Variants in MYO16 observed in about 807,000 individuals in gnomAD.
The protein encoded by MYO16 is myosin XVI.
Under a neutral mutation model 205.3 loss-of-function variants are expected in MYO16, and 94 were observed. That is an observed-to-expected ratio of 0.46 (90% confidence interval 0.39 to 0.54). MYO16 has a LOEUF of 0.54. Ranked by LOEUF, MYO16 falls within the 20% of genes least tolerant of loss-of-function variation. The probability of loss-of-function intolerance (pLI) is 0.00; values close to 1 mark genes in which losing one functional copy is unlikely to be tolerated. For synonymous variants in MYO16, 988 were observed against 954.0 expected (o/e 1.04, Z -0.66); for missense variants, 2,315 against 2,387.5 (o/e 0.97, Z 0.63).
chr13:108,820,724 A>G (rs1414819688), intron 8 of MYO16, among the ~76,000 whole-genome samples: 2 of 152,220 alleles, frequency 1.3e-5, no homozygotes, highest in African/African-American at 4.8e-5. Flanking sequence ...ACTTTAAAAT[A>G]CATTTTTACT....
intron 4 of MYO16, among the ~76,000 whole-genome samples, chr13:108,747,845 G>A (rs939752566): frequency 1.3e-5 from 2 of 152,078 alleles, no homozygotes; most frequent in African/African-American, 4.8e-5. Context: ...GATCTATGAT[G>A]CCAATATTAA....
chr13:109,141,033 G>A lies in MYO16; in HGVS notation c.4821G>A (p.Ala1607=). The A allele has an allele frequency of 7.6e-7, 1 of 1,311,884 alleles. No individual in the cohort carries two copies. 81.3% of individuals were successfully genotyped at this position (1,311,884 alleles called of 1,614,324 possible). ...PPPPPPGPPP[A]PYRPCAHLAF... is the part of the protein sequence containing the mutation. ...CGCCCCCGCCCGGGCCGCCCCCCGC[G>A]CCCTACAGGCCCTGCGCGCACTTGG... Residue 1607 remains alanine (A), a synonymous_variant, in exon 32 of 35, where the codon GCG becomes GCA. Coordinates refer to ENST00000457511, the MANE Select transcript of MYO16 (RefSeq NM_001198950.3). This position sits in a 1 kb window ranked among gnomAD's most constrained non-coding sequence, Gnocchi z 4.1.
intron 25 of MYO16, among the ~76,000 whole-genome samples, chr13:109,052,959 A>G (rs1887292587): frequency 6.6e-6 from 1 of 152,106 alleles, no homozygotes; most frequent in Non-Finnish European, 1.5e-5. Context: ...TATTATACTA[A>G]TTTGTAATGT....
At chr13:108,537,424 C>T in the MYO16 span, among the ~76,000 whole-genome samples, 17 of 152,200 alleles carry the variant, frequency 1.1e-4, no homozygotes, top group African/African-American at 4.1e-4. Context: ...AGGTTGATTC[C>T]ATGACTTTGC....
chr13:108,542,422 C>G, the MYO16 span, among the ~76,000 whole-genome samples: 12 of 152,250 alleles, frequency 7.9e-5, no homozygotes, highest in East Asian at 1.5e-3. Flanking sequence ...ACCCCCGTCA[C>G]AAGTTTACCT....
At chr13:108,609,739 A>G (rs926663302) in intron 1 of MYO16, among the ~76,000 whole-genome samples, 1 of 152,190 alleles carries the variant, frequency 6.6e-6, no homozygotes, top group African/African-American at 2.4e-5. Context: ...ACTGAATCCG[A>G]CACTAATCCT....
chr13:108,794,614 T>C (rs1358376598), intron 6 of MYO16, among the ~76,000 whole-genome samples: 1 of 152,202 alleles, frequency 6.6e-6, no homozygotes, highest in East Asian at 1.9e-4. Flanking sequence ...CAGTAAATTA[T>C]TAAAAGATCA....
intron 4 of MYO16, among the ~76,000 whole-genome samples, chr13:108,783,878 C>T (rs76541990): frequency 0.019 from 2,845 of 152,288 alleles, 79 homozygotes; most frequent in African/African-American, 0.065. Context: ...TCCAATTAAA[C>T]CTCCTTTTGT....
chr13:108,805,747 T>C (rs1306510621), intron 6 of MYO16, among the ~76,000 whole-genome samples: 4 of 151,924 alleles, frequency 2.6e-5, no homozygotes. Flanking sequence ...ATCATTATTG[T>C]TCCAAAGGCC....
intron 1 of MYO16, among the ~76,000 whole-genome samples, chr13:108,611,958 CTTTTTTTTTTTTTCTT>C (rs1455099764): frequency 2.0e-5 from 2 of 101,924 alleles, no homozygotes; most frequent in African/African-American, 8.0e-5. Context: ...AGGTAATATT[CTTTTTTTTTTTTTCTT>C]TTTTTTTTTT....
At chr13:108,828,592 T>C (rs1876416026) in intron 9 of MYO16, among the ~76,000 whole-genome samples, 1 of 152,138 alleles carries the variant, frequency 6.6e-6, no homozygotes, top group Non-Finnish European at 1.5e-5. Flanking sequence ...CGCATCTGAG[T>C]TTATCCTACC....
At chr13:108,765,498 C>A (rs1369479478) in intron 4 of MYO16, among the ~76,000 whole-genome samples, 1 of 152,120 alleles carries the variant, frequency 6.6e-6, no homozygotes, top group East Asian at 1.9e-4. Context: ...TTTCTAGATA[C>A]AGTAACTTTC....
At chr13:109,009,907 G>C (rs1246975132) in intron 22 of MYO16, among the ~76,000 whole-genome samples, 1 of 152,078 alleles carries the variant, frequency 6.6e-6, no homozygotes, top group Admixed American at 6.6e-5. Context: ...ATTATTTAAG[G>C]TTTAAAAATG....
chr13:108,726,176 A>T lies in MYO16; in HGVS notation c.364-1264A>T, dbSNP rs142612577. On this transcript the variant is annotated intron_variant, in intron 3 of 34. Transcript: ENST00000457511. ...AAAAGTATGTATCTCATAACCCAGA[A>T]ATTTTGCTGACCTATTTAATAATAG... is the stretch of plus-strand genomic sequence containing the variant. Among the ~76,000 whole-genome samples, 31 of 152,304 alleles carry T rather than the reference A, an allele frequency of 2.0e-4. No homozygotes were observed. In the East Asian group the frequency reaches 6.0e-3, roughly 29 times the overall value.
At chr13:109,093,649 C>T (rs2139695695) in intron 27 of MYO16, among the ~76,000 whole-genome samples, 1 of 152,248 alleles carries the variant, frequency 6.6e-6, no homozygotes, top group African/African-American at 2.4e-5. Flanking sequence ...ACCTTGAAGT[C>T]ATCCTCTCTT....
At chr13:108,821,212 T>G (rs995919881) in intron 8 of MYO16, among the ~76,000 whole-genome samples, 3 of 152,152 alleles carry the variant, frequency 2.0e-5, no homozygotes, top group African/African-American at 7.2e-5. Context: ...ACTTTTGAGA[T>G]TTGTCATTTG....
chr13:109,193,979 A>G (rs982796438), intron 34 of MYO16, among the ~76,000 whole-genome samples: 1 of 152,184 alleles, frequency 6.6e-6, no homozygotes, highest in Non-Finnish European at 1.5e-5. Flanking sequence ...CACATATCCC[A>G]GTGGCCATAC....
intron 1 of MYO16, among the ~76,000 whole-genome samples, chr13:108,642,848 TTG>T (rs1421687809): frequency 1.3e-5 from 2 of 152,156 alleles, no homozygotes; most frequent in Non-Finnish European, 2.9e-5. Context: ...CCCCCAAATT[TTG>T]TCTTATTAAA....
chr13:108,772,354 GAAAGAAA>G (rs1001205564), intron 4 of MYO16, among the ~76,000 whole-genome samples: 1 of 149,262 alleles, frequency 6.7e-6, no homozygotes, highest in African/African-American at 2.5e-5. Context: ...TGTCTCAAAA[GAAAGAAA>G]AAAGAAAAGA....
Sources: gnomAD v4.1 joint callset for allele counts (sites outside exome capture counted in the v4.1 genomes callset) on GRCh38, gnomAD v4.1.1 for gene constraint, Gnocchi (gnomAD v3.1) non-coding constraint, MANE v1.5 for transcripts, NCBI Gene and HGNC (gene_info 2026-07-23, HGNC 2026-07-21) for gene names.